NIF3L1: variants seen among roughly 807,000 people sequenced by gnomAD.
NIF3L1 encodes NGG1 interacting factor 3 like 1, also known as NIF3-like protein 1.
A neutral mutation model predicts 35.0 loss-of-function variants in NIF3L1; 26 were observed. That is an observed-to-expected ratio of 0.74 (90% CI 0.54 to 1.03). The LOEUF (loss-of-function observed/expected upper bound fraction) is 1.03. NIF3L1 is among the 50% of genes least tolerant of loss of function. NIF3L1 has a pLI of 0.00. For synonymous variants in NIF3L1, 157 were observed against 178.9 expected (o/e 0.88, Z 0.98); for missense variants, 449 against 466.3 (o/e 0.96, Z 0.34).
intron 6 of NIF3L1, among the ~76,000 whole-genome samples, chr2:200,900,797 TTTAC>T (rs763717573): frequency 2.0e-5 from 3 of 152,178 alleles, no homozygotes; most frequent in Admixed American, 1.3e-4. Context: ...ATTTTAGCAT[TTTAC>T]TTAGGAATTT....
chr2:200,900,820 T>C (rs764635636), intron 6 of NIF3L1, among the ~76,000 whole-genome samples: 1 of 152,160 alleles, frequency 6.6e-6, no homozygotes. Context: ...TTCAGACCTA[T>C]GCAAAAGTTG....
intron 2 of NIF3L1, among the ~76,000 whole-genome samples, 178 bp from the exon 3 acceptor site, chr2:200,893,068 A>G (rs926891559): frequency 1.5e-4 from 23 of 152,320 alleles, no homozygotes; most frequent in African/African-American, 5.3e-4. Flanking sequence ...GTCCATGCCA[A>G]AGCCCTAGAT....
intron 6 of NIF3L1, 71 bp downstream of exon 6, chr2:200,899,539 C>A: frequency 9.8e-7 from 1 of 1,024,032 alleles, no homozygotes; most frequent in Non-Finnish European, 1.5e-6. Flanking sequence ...TAGGACAGTA[C>A]CTGGCACATA....
At chr2:200,902,328 G>A (rs1175667803) in intron 6 of NIF3L1, among the ~76,000 whole-genome samples, 2 of 152,212 alleles carry the variant, frequency 1.3e-5, no homozygotes, top group Non-Finnish European at 2.9e-5. Flanking sequence ...AGCACTTTGG[G>A]AGGCTGAGGC....
intron 1 of NIF3L1, chr2:200,891,667 C>G (rs1043232658): frequency 4.3e-6 from 2 of 459,898 alleles, no homozygotes; most frequent in Non-Finnish European, 7.8e-6. Context: ...CCAGGCTTTG[C>G]TAGGTTACAT....
Position 200,889,501 on chromosome 2 carries a change from G to C in NIF3L1, c.-178G>C, listed in dbSNP as rs2040118588. ...CTTGGTGCTGCAGAGGACAGCAGAA[G>C]AGGAGATTGGGTCAGAAAACTGCCC... On this transcript the variant is annotated 5_prime_UTR_variant, in exon 1 of 7. Coordinates refer to ENST00000409020, the MANE Select transcript of NIF3L1 (RefSeq NM_001369441.2). 5.6e-6 allele frequency: 1 copy of C among 177,816 alleles called. No individual in the cohort carries two copies. The highest frequency in any genetic ancestry group is 2.4e-5 in the African/African-American group (1 of 42,050). 11.0% of individuals were successfully genotyped at this position (177,816 alleles called of 1,614,324 possible). A position where few individuals can be genotyped will look rare whatever the true frequency, so the allele number is the denominator to read the frequency against.
rs78057215 is a variant in NIF3L1 at position 200,891,998 on chromosome 2, C to T, written c.55C>T (p.Leu19=). The T allele has an allele frequency of 1.7e-3, 2,818 of 1,614,070 alleles. 43 individuals are homozygous for T. In the African/African-American group the frequency reaches 0.034, roughly 19 times the overall value. The change falls in exon 2 of 7, where the codon CTG becomes TTG. Residue 19 remains leucine (L), a synonymous_variant. Transcript: ENST00000409020. ...VPTTVRFVDS[L]ICNSSRSFMD... is the part of the protein sequence containing the mutation. ...CACGACAGTCCGGTTTGTAGATTCC[C>T]TGATCTGCAATTCTTCCCGTTCCTT...
intron 6 of NIF3L1, among the ~76,000 whole-genome samples, chr2:200,900,376 T>A (rs2040393717): frequency 6.6e-6 from 1 of 152,210 alleles, no homozygotes; most frequent in Non-Finnish European, 1.5e-5. Context: ...GTTGCCACTT[T>A]GTTTACCTCC....
intron 5 of NIF3L1, among the ~76,000 whole-genome samples, chr2:200,898,510 T>G (rs2040355557): frequency 6.6e-6 from 1 of 152,134 alleles, no homozygotes; most frequent in Non-Finnish European, 1.5e-5. Flanking sequence ...AAGGTGAGAT[T>G]TGGATGGGGA....
At chr2:200,900,972 A>G (rs938134891) in intron 6 of NIF3L1, among the ~76,000 whole-genome samples, 6 of 152,244 alleles carry the variant, frequency 3.9e-5, no homozygotes, top group African/African-American at 1.4e-4. Flanking sequence ...CATAATATAT[A>G]CAAGTTAAAA....
chr2:200,893,951 G>A (rs2040252006), intron 3 of NIF3L1, among the ~76,000 whole-genome samples: 1 of 152,118 alleles, frequency 6.6e-6, no homozygotes, highest in African/African-American at 2.4e-5. Context: ...AAGGCTGGTG[G>A]ATCACCTGAG....
At chr2:200,890,570 A>C (rs1175116135) in intron 1 of NIF3L1, 3 of 152,192 alleles carry the variant, frequency 2.0e-5, no homozygotes, top group Non-Finnish European at 4.4e-5. Flanking sequence ...TTTTCTTCAA[A>C]AAGTGTTTAT....
At position 200,893,535 on chromosome 2, in the gene NIF3L1, T is replaced by C. The variant is rs145097655; in HGVS notation, c.599+127T>C. 1.5e-4 allele frequency: 126 copies of C among 858,624 alleles called. No homozygotes were observed. In the East Asian group the frequency reaches 3.3e-3, roughly 22 times the overall value. The allele number at this position is 858,624 out of a possible 1,614,324, so 53.2% of individuals were successfully genotyped here. ...TCTGGAGTTGATTTACAAAGTAGCATACTCCTCATTTGTTTGTGGGTCCTG... is the reference window on the plus strand; with the variant it reads ...TCTGGAGTTGATTTACAAAGTAGCACACTCCTCATTTGTTTGTGGGTCCTG... On this transcript the variant is annotated intron_variant, in intron 3 of 6. Coordinates refer to ENST00000409020, the MANE Select transcript of NIF3L1 (RefSeq NM_001369441.2).
At chr2:200,893,429 T>C in intron 3 of NIF3L1, 21 bp downstream of exon 3, 4 of 1,612,332 alleles carry the variant, frequency 2.5e-6, no homozygotes, top group Non-Finnish European at 3.4e-6. Context: ...TTTTTCTCTT[T>C]TTTTTGTGTG....
At chr2:200,893,984 G>A (rs2040252649) in intron 3 of NIF3L1, among the ~76,000 whole-genome samples, 1 of 152,086 alleles carries the variant, frequency 6.6e-6, no homozygotes, top group African/African-American at 2.4e-5. Flanking sequence ...AGACCAGCCT[G>A]ACTAACATGG....
At chr2:200,902,728 T>G (rs1008049914) in intron 6 of NIF3L1, among the ~76,000 whole-genome samples, 28 of 152,238 alleles carry the variant, frequency 1.8e-4, no homozygotes, top group African/African-American at 6.8e-4. Flanking sequence ...CATTTCATCC[T>G]TATATATTAG....
In NIF3L1 at chr2:200,895,285, AC is replaced by A; in HGVS notation, c.622del (p.Arg208GlyfsTer4). ...CTAGGACTGGTAATGAGGAACAAACACGGATTAATCTGAATTGTACTCAGAA... is the reference window on the plus strand; with the variant it reads ...CTAGGACTGGTAATGAGGAACAAACAGGATTAATCTGAATTGTACTCAGAA... ...SARTGNEEQT[R>X]INLNCTQKAL... On this transcript the variant is annotated frameshift_variant, in exon 4 of 7. Coordinates refer to ENST00000409020, the MANE Select transcript of NIF3L1 (RefSeq NM_001369441.2). LOFTEE classifies it high-confidence loss of function. The A allele has an allele frequency of 6.2e-7, 1 of 1,614,036 alleles. No homozygotes were observed. The highest frequency in any genetic ancestry group is 1.1e-5 in the South Asian group (1 of 91,086).
chr2:200,889,732 A>G (rs1386725951), intron 1 of NIF3L1, 80 bp downstream of exon 1: 1 of 152,410 alleles, frequency 6.6e-6, no homozygotes, highest in East Asian at 1.9e-4. Flanking sequence ...TTACTCTAGG[A>G]CGGGAGTTGT....
chr2:200,891,253 GT>G (rs1471576525), intron 1 of NIF3L1, among the ~76,000 whole-genome samples: 11 of 152,080 alleles, frequency 7.2e-5, no homozygotes. Context: ...ACATTATTCT[GT>G]TTTTTGGTAA....
Sources: gnomAD v4.1 joint callset for allele counts (sites outside exome capture counted in the v4.1 genomes callset) on GRCh38, gnomAD v4.1.1 for gene constraint, MANE v1.5 for transcripts, NCBI Gene and HGNC (gene_info 2026-07-23, HGNC 2026-07-21) for gene names.